Variants in PLEKHA1 observed in about 807,000 individuals in gnomAD.
PLEKHA1 encodes the protein pleckstrin homology domain containing A1.
In PLEKHA1, 34 loss-of-function variants were observed where a neutral mutation model predicts 52.0. The observed-to-expected ratio is 0.65, with a 90% CI of 0.50 to 0.87. The LOEUF (loss-of-function observed/expected upper bound fraction) is 0.87. Among genes scored for constraint, PLEKHA1 ranks in the 40% least tolerant of loss-of-function variants. PLEKHA1 has a pLI of 0.00. For synonymous variants in PLEKHA1, 163 were observed against 170.7 expected (o/e 0.95, Z 0.35); for missense variants, 497 against 504.2 (o/e 0.99, Z 0.14).
chr10:122,426,466 G>T (rs553782964), intron 10 of PLEKHA1, among the ~76,000 whole-genome samples: 87 of 152,114 alleles, frequency 5.7e-4, no homozygotes, highest in Non-Finnish European at 1.0e-3. Context: ...TCATAGTAAG[G>T]TTTAAAATTC....
chr10:122,410,092 A>G (rs1186880473), intron 5 of PLEKHA1, among the ~76,000 whole-genome samples: 5 of 152,026 alleles, frequency 3.3e-5, no homozygotes, highest in East Asian at 1.9e-4. Context: ...CCAACATTAT[A>G]TTTTCATTCT....
rs559238295 is a variant in PLEKHA1, at chr10:122,413,921, AT to A, written c.468+881del. Reference sequence around the variant, plus strand: ...TAAATCAAATTGTATCATTCCCCACATTTTTCAGGTCTTTTGCTACGGGAGG... The same window carrying A: ...TAAATCAAATTGTATCATTCCCCACATTTTCAGGTCTTTTGCTACGGGAGG... On this transcript the variant is annotated intron_variant, in intron 6 of 11. Transcript: ENST00000368990. Among the ~76,000 whole-genome samples, 17 of 152,120 alleles carry A rather than the reference AT, an allele frequency of 1.1e-4. No individual in the cohort carries two copies. In the South Asian group the frequency reaches 3.5e-3, roughly 32 times the overall value.
intron 11 of PLEKHA1, among the ~76,000 whole-genome samples, chr10:122,427,250 C>T (rs2097352666): frequency 6.6e-6 from 1 of 152,132 alleles, no homozygotes. Flanking sequence ...GTGTTAAATG[C>T]ACAAGTAGGG....
At chr10:122,428,468 C>T in intron 11 of PLEKHA1, 1 of 1,330,958 alleles carries the variant, frequency 7.5e-7, no homozygotes, top group Non-Finnish European at 9.7e-7. Context: ...CTGATTTTGT[C>T]AATACTAACG....
intron 1 of PLEKHA1, among the ~76,000 whole-genome samples, chr10:122,383,291 C>CT (rs1239918166): frequency 6.8e-6 from 1 of 146,972 alleles, no homozygotes; most frequent in Non-Finnish European, 1.5e-5. Context: ...TTCTTTCTTG[C>CT]TTTTTTCTTT....
intron 6 of PLEKHA1, among the ~76,000 whole-genome samples, chr10:122,413,312 A>AT (rs994757263): frequency 1.3e-5 from 2 of 151,998 alleles, no homozygotes; most frequent in Non-Finnish European, 2.9e-5. Context: ...TTGTAAACAG[A>AT]TTTTTTCACT....
intron 4 of PLEKHA1, among the ~76,000 whole-genome samples, chr10:122,406,000 T>C (rs927343519): frequency 1.3e-5 from 2 of 152,124 alleles, no homozygotes; most frequent in Non-Finnish European, 2.9e-5. Context: ...CTAGGAAATA[T>C]TGTTTGCAGA....
chr10:122,411,225 A>G (rs566458896), intron 5 of PLEKHA1, among the ~76,000 whole-genome samples: 1 of 152,304 alleles, frequency 6.6e-6, no homozygotes, highest in East Asian at 1.9e-4. Context: ...AATACGAACC[A>G]GAGGCTGGAG....
downstream of PLEKHA1, chr10:122,436,661 T>G (rs1298264894): frequency 6.6e-6 from 1 of 152,184 alleles, no homozygotes; most frequent in Non-Finnish European, 1.5e-5. Flanking sequence ...AAGTAATATG[T>G]GATAAAATCT....
intron 6 of PLEKHA1, among the ~76,000 whole-genome samples, chr10:122,415,643 G>C (rs1032278443): frequency 6.6e-6 from 1 of 152,134 alleles, no homozygotes; most frequent in Non-Finnish European, 1.5e-5. Context: ...AAGAGCACTG[G>C]TGGCAGGACT....
At chr10:122,384,126 A>G (rs1325255749) in intron 1 of PLEKHA1, among the ~76,000 whole-genome samples, 2 of 152,156 alleles carry the variant, frequency 1.3e-5, no homozygotes, top group East Asian at 3.9e-4. Flanking sequence ...CCATTTTTAT[A>G]TCTCTCTTGG....
At chr10:122,396,946 C>T (rs1565182507) in intron 2 of PLEKHA1, among the ~76,000 whole-genome samples, 1 of 152,032 alleles carries the variant, frequency 6.6e-6, no homozygotes, top group Non-Finnish European at 1.5e-5. Context: ...GATTCCAGAT[C>T]TGCTCATAAG....
In PLEKHA1 at chr10:122,417,923, T is replaced by G; in HGVS notation, c.636T>G (p.Tyr212Ter). The G allele has an allele frequency of 6.2e-7, 1 of 1,611,768 alleles. No homozygotes were observed. Among genetic ancestry groups the G allele is most frequent in the Non-Finnish European group, 8.5e-7 (1 of 1,178,312 alleles). Residue 212 changes from tyrosine to a stop codon, truncating the protein, a stop_gained, in exon 8 of 12, where the codon TAT becomes TAG. Transcript: ENST00000368990. LOFTEE classifies it high-confidence loss of function. ...GAVMKNWKRR[Y>*]FQLDENTIGY... The stretch of plus-strand genomic sequence containing the variant: ...AGATGAAAAACTGGAAGAGAAGATA[T>G]TTTCAATTGGATGAAAACACAATAG...
chr10:122,375,254 G>C (rs535741694), intron 1 of PLEKHA1, among the ~76,000 whole-genome samples: 6 of 152,012 alleles, frequency 3.9e-5, no homozygotes, highest in African/African-American at 1.2e-4. Context: ...CGGTGGCGCC[G>C]GTCGGAGCGC....
At chr10:122,423,539 A>G (rs1425433636) in intron 8 of PLEKHA1, 3 of 150,256 alleles carry the variant, frequency 2.0e-5, no homozygotes, top group Admixed American at 1.3e-4. Flanking sequence ...TCAATGAAAT[A>G]TGTATATTGT....
intron 1 of PLEKHA1, among the ~76,000 whole-genome samples, chr10:122,386,308 GT>G (rs67952302): frequency 0.9 from 133,779 of 148,354 alleles, 61,402 homozygotes; most frequent in Non-Finnish European, 0.99. Context: ...TGTGTTCCAA[GT>G]TTTTTTTTTT....
At chr10:122,405,922 C>T (rs533428658) in intron 4 of PLEKHA1, among the ~76,000 whole-genome samples, 62 of 152,218 alleles carry the variant, frequency 4.1e-4, no homozygotes, top group African/African-American at 1.3e-3. Flanking sequence ...CTCTTTCCTT[C>T]TCCCCTCTCC....
rs2097404437 is a variant in PLEKHA1, at chr10:122,430,170, T to A, written c.*232T>A. The stretch of plus-strand genomic sequence containing the variant: ...ATCCAAAATATCTCAGTATCATCTG[T>A]CTGAAGCATTGTGTGTTCTCATTCG... On this transcript the variant is annotated 3_prime_UTR_variant, in exon 12 of 12. Transcript: ENST00000368990. 1 of 444,160 alleles carries A rather than the reference T, an allele frequency of 2.3e-6. No individual in the cohort carries two copies. Among genetic ancestry groups the A allele is most frequent in the Admixed American group, 4.0e-5 (1 of 25,188 alleles). 27.5% of individuals were successfully genotyped at this position (444,160 alleles called of 1,614,324 possible).
intron 1 of PLEKHA1, among the ~76,000 whole-genome samples, chr10:122,376,706 T>C (rs1349526135): frequency 1.3e-5 from 2 of 152,182 alleles, no homozygotes; most frequent in South Asian, 2.1e-4. Context: ...GTGTGTAAAA[T>C]TGAGTTTGTC....
Sources: allele counts gnomAD v4.1 joint callset (sites outside exome capture counted in the v4.1 genomes callset), GRCh38; gene constraint gnomAD v4.1.1; transcripts MANE v1.5; gene names NCBI Gene and HGNC (gene_info 2026-07-23, HGNC 2026-07-21).